The following NUP205 variants were observed in gnomAD, a reference collection of about 807,000 sequenced individuals.
NUP205 encodes the protein nuclear pore complex protein Nup205.
NUP205 carries 76 observed loss-of-function variants against 253.8 expected under a neutral mutation model. That is an observed-to-expected ratio of 0.30 (90% CI 0.25 to 0.36). NUP205 has a LOEUF of 0.36. NUP205 is among the 10% of genes least tolerant of loss of function. The pLI is 1.00. For synonymous variants in NUP205, 832 were observed against 850.1 expected (o/e 0.98, Z 0.37); for missense variants, 2,162 against 2,425.5 (o/e 0.89, Z 2.28).
At chr7:135,573,569 T>C in intron 2 of NUP205, 85 bp from the exon 3 acceptor site, 1 of 917,814 alleles carries the variant, frequency 1.1e-6, no homozygotes, top group South Asian at 1.9e-5. Flanking sequence ...GGCTGAATTA[T>C]CATGAATAAG....
chr7:135,616,670 TAGA>T lies in NUP205; in HGVS notation c.3480_3482del (p.Glu1160del), dbSNP rs1036109402. 8.9e-6 allele frequency: 14 copies of T among 1,566,002 alleles called. No individual in the cohort carries two copies. On this transcript the variant is annotated inframe_deletion, in exon 25 of 43. Coordinates refer to ENST00000285968, the MANE Select transcript of NUP205 (RefSeq NM_015135.3). ...ATTCCAACAGATGGTGAAGGAGGAA[TAGA>T]AGATGAAAACAGGTCTGTTTCTGGG...
At chr7:135,605,021 A>G (rs1360711428) in intron 19 of NUP205, among the ~76,000 whole-genome samples, 3 of 150,560 alleles carry the variant, frequency 2.0e-5, no homozygotes, top group Non-Finnish European at 3.0e-5. Flanking sequence ...TTGTATCTTT[A>G]TGTTGGAAAT....
In NUP205 at chr7:135,648,512, C is replaced by T. The variant is rs1448150312; in HGVS notation, c.5995C>T (p.Leu1999Phe). The T allele has an allele frequency of 9.4e-6, 15 of 1,603,050 alleles. 1 individual carries two copies. In the Middle Eastern group the frequency reaches 5.0e-4, roughly 53 times the overall value. ...VRSRYSFIQALVRRIRGLLRI... is the reference protein window; with the variant it reads ...VRSRYSFIQAFVRRIRGLLRI... ...ATCTCGATATAGTTTCATACAGGCT[C>T]TTGTCAGACGTATCCGTGGCCTCTT... The change falls in exon 43 of 43, where the codon CTT (leucine) becomes TTT (phenylalanine). Residue 1999 changes from leucine (L) to phenylalanine (F), a missense_variant. Leu to Phe is a conservative substitution (Grantham distance 22). This residue lies in a region of NUP205 where 1,144 missense variants were observed against 1,280.9 expected (regional missense o/e 0.89). Transcript: ENST00000285968.
At chr7:135,576,892 C>T (rs898173324) in intron 4 of NUP205, 77 bp from the exon 5 acceptor site, 17 of 1,378,532 alleles carry the variant, frequency 1.2e-5, no homozygotes, top group South Asian at 4.2e-5. Flanking sequence ...AAAAAAAGAG[C>T]GTTTGCTATA....
At chr7:135,603,066 T>G (rs2129490599) in intron 18 of NUP205, 72 bp downstream of exon 18, 3 of 1,177,552 alleles carry the variant, frequency 2.5e-6, no homozygotes, top group South Asian at 1.5e-5. Flanking sequence ...CAAATCTGGT[T>G]AGGTATCTAG....
intron 8 of NUP205, among the ~76,000 whole-genome samples, chr7:135,586,890 G>A (rs1281167894): frequency 1.3e-5 from 2 of 152,108 alleles, no homozygotes; most frequent in African/African-American, 4.8e-5. Context: ...CACATATTTT[G>A]CTGCTGTTCT....
At chr7:135,607,165 AT>A in intron 21 of NUP205, 81 bp from the exon 22 acceptor site, 1 of 1,530,144 alleles carries the variant, frequency 6.5e-7, no homozygotes, top group Non-Finnish European at 8.9e-7. Context: ...TATTTAAAGA[AT>A]TTAACTTTTG....
intron 42 of NUP205, among the ~76,000 whole-genome samples, chr7:135,647,466 T>A (rs1449511945): frequency 6.6e-6 from 1 of 152,210 alleles, no homozygotes; most frequent in East Asian, 1.9e-4. Flanking sequence ...GAACTAGTGT[T>A]AATTGAGGCC....
rs1193173776 is a variant in NUP205, at chr7:135,573,647, A to G, written c.172-7A>G. 1 of 1,605,578 alleles carries G rather than the reference A, an allele frequency of 6.2e-7. No individual in the cohort carries two copies. Among genetic ancestry groups the G allele is most frequent in the Non-Finnish European group, 8.5e-7 (1 of 1,177,330 alleles). ...TTTTCATAACAATTACAATTTTATC[A>G]TTGTAGCCAAAAAATGTTCAACAGC... On this transcript the variant is annotated splice_region_variant and splice_polypyrimidine_tract_variant and intron_variant, in intron 2 of 42. Coordinates refer to ENST00000285968, the MANE Select transcript of NUP205 (RefSeq NM_015135.3).
intron 26 of NUP205, 110 bp from the exon 27 acceptor site, chr7:135,617,492 A>AAT (rs1173655273): frequency 1.3e-6 from 1 of 796,888 alleles, no homozygotes; most frequent in Non-Finnish European, 2.0e-6. Context: ...GATTATATAT[A>AAT]AAGGTATCTG....
Position 135,625,298 on chromosome 7 carries a change from C to G in NUP205, c.4614C>G (p.Ser1538Arg). 6.2e-7 allele frequency: 1 copy of G among 1,613,966 alleles called. No individual in the cohort carries two copies. Among genetic ancestry groups the G allele is most frequent in the Admixed American group, 1.7e-5 (1 of 59,936 alleles). ...TAGAAGATGACCGTACTTTGCAGAG[C>G]TTACTCACCCCACAGCCTCCCCTTT... ...SLVEDDRTLQ[S>R]LLTPQPPLLK... Residue 1538 changes from serine to arginine, a missense_variant, in exon 32 of 43, where the codon AGC becomes AGG. This residue lies in a region of NUP205 where 1,144 missense variants were observed against 1,280.9 expected (regional missense o/e 0.89). Transcript: ENST00000285968.
At chr7:135,581,395 T>C (rs1172536705) in intron 7 of NUP205, among the ~76,000 whole-genome samples, 1 of 151,784 alleles carries the variant, frequency 6.6e-6, no homozygotes, top group Non-Finnish European at 1.5e-5. Context: ...AATTAAAAAT[T>C]AGCCCAGTGT....
At position 135,592,972 on chromosome 7, in the gene NUP205, T is replaced by G. The variant is rs779313892; in HGVS notation, c.1625-15T>G. On this transcript the variant is annotated splice_polypyrimidine_tract_variant and intron_variant, in intron 11 of 42. Coordinates refer to ENST00000285968, the MANE Select transcript of NUP205 (RefSeq NM_015135.3). Reference sequence around the variant, plus strand: ...ATGTTTTTTAAATAAAATTCTGTGCTGTTTTTCTTTATAGTTGAAAATATT... The same window carrying G: ...ATGTTTTTTAAATAAAATTCTGTGCGGTTTTTCTTTATAGTTGAAAATATT... 1 of 1,560,216 alleles carries G rather than the reference T, an allele frequency of 6.4e-7. No homozygotes were observed. The highest frequency in any genetic ancestry group is 1.1e-5 in the South Asian group (1 of 89,368).
intron 1 of NUP205, among the ~76,000 whole-genome samples, chr7:135,570,093 AG>A (rs1805913466): frequency 4.0e-5 from 6 of 148,834 alleles, no homozygotes; most frequent in Admixed American, 6.7e-5. Flanking sequence ...AGAGAGAGAG[AG>A]AAACTGAAGT....
At chr7:135,594,824 GTATATCA>G in intron 13 of NUP205, 95 bp downstream of exon 13, 1 of 956,020 alleles carries the variant, frequency 1.0e-6, no homozygotes, top group Non-Finnish European at 1.6e-6. Flanking sequence ...GGAACTTATA[GTATATCA>G]TGAACATCCC....
chr7:135,584,301 A>G (rs1381214407), intron 7 of NUP205, among the ~76,000 whole-genome samples: 1 of 152,194 alleles, frequency 6.6e-6, no homozygotes, highest in Non-Finnish European at 1.5e-5. Flanking sequence ...ATTTTTAGAT[A>G]TATATTGGAT....
At chr7:135,584,537 C>T (rs1806403663) in intron 7 of NUP205, among the ~76,000 whole-genome samples, 2 of 152,012 alleles carry the variant, frequency 1.3e-5, no homozygotes, top group Admixed American at 6.6e-5. Context: ...ATGATAGCTC[C>T]CTGACTACAT....
intron 39 of NUP205, among the ~76,000 whole-genome samples, chr7:135,644,594 A>G (rs1252211221): frequency 2.0e-5 from 3 of 152,178 alleles, no homozygotes; most frequent in East Asian, 1.9e-4. Context: ...TGAAAAACCT[A>G]TCATTTTGTC....
intron 35 of NUP205, 109 bp downstream of exon 35, chr7:135,630,579 T>G: frequency 2.2e-6 from 2 of 896,542 alleles, no homozygotes; most frequent in South Asian, 3.7e-5. Flanking sequence ...TATTTGAAAT[T>G]GGTACTGCTA....
Sources: allele counts gnomAD v4.1 joint callset (sites outside exome capture counted in the v4.1 genomes callset), GRCh38; gene constraint gnomAD v4.1.1; regional missense constraint gnomAD v4.1.1; transcripts MANE v1.5; gene names NCBI Gene and HGNC (gene_info 2026-07-23, HGNC 2026-07-21).